Variants in GOLIM4 observed in about 807,000 individuals in gnomAD.
GOLIM4 encodes the protein 130 kDa golgi-localized phosphoprotein.
Under a neutral mutation model 107.4 loss-of-function variants are expected in GOLIM4, and 71 were observed. The ratio of observed to expected loss-of-function variants is 0.66; its 90% CI spans 0.55 to 0.81. The LOEUF is 0.81. GOLIM4 is among the 30% of genes least tolerant of loss of function. The pLI is 0.00. For synonymous variants in GOLIM4, 327 were observed against 294.8 expected, an observed-to-expected ratio of 1.11 and a Z score of -1.12; for missense variants, 830 against 826.1, an observed-to-expected ratio of 1.00 and a Z score of -0.06.
rs372302207 is a variant in GOLIM4, at chr3:168,027,780, T to A, written c.1571A>T (p.His524Leu). Residue 524 changes from histidine to leucine, a missense_variant, in exon 12 of 16, where the codon CAT (histidine) becomes CTT (leucine). Coordinates refer to ENST00000470487, the MANE Select transcript of GOLIM4 (RefSeq NM_014498.5). ...TCGGGGTCCTTGTTCACGAGGCTCATGTCTATTACCTGGATCTCCTTCTGC... is the reference window on the plus strand; with the variant it reads ...TCGGGGTCCTTGTTCACGAGGCTCAAGTCTATTACCTGGATCTCCTTCTGC... ...DEAEGDPGNR[H>L]EPREQGPREA... The A allele has an allele frequency of 2.2e-5, 36 of 1,613,784 alleles. No homozygotes were observed. In the African/African-American group the frequency reaches 4.8e-4, roughly 22 times the overall value.
Position 168,032,872 on chromosome 3 carries a change from G to A in GOLIM4, c.844-20C>T. ...AGACACCTAGGCCAAGCACATCACTGGGAATGACACTCTTCCAATTTCAAA... is the reference window on the plus strand; with the variant it reads ...AGACACCTAGGCCAAGCACATCACTAGGAATGACACTCTTCCAATTTCAAA... On this transcript the variant is annotated intron_variant, in intron 8 of 15. Coordinates refer to ENST00000470487, the MANE Select transcript of GOLIM4 (RefSeq NM_014498.5). 1.3e-6 allele frequency: 2 copies of A among 1,552,106 alleles called. No individual in the cohort carries two copies. The highest frequency in any genetic ancestry group is 1.1e-5 in the South Asian group (1 of 87,818).
chr3:168,052,756 T>G (rs1031564123), intron 1 of GOLIM4, among the ~76,000 whole-genome samples: 5 of 152,304 alleles, frequency 3.3e-5, no homozygotes, highest in African/African-American at 1.2e-4. Flanking sequence ...AATCAATCCT[T>G]GTCACCTATC....
intron 1 of GOLIM4, among the ~76,000 whole-genome samples, chr3:168,090,870 A>C (rs575238605): frequency 1.2e-4 from 18 of 152,352 alleles, no homozygotes; most frequent in Admixed American, 1.1e-3. Context: ...CTTTTGCAGC[A>C]ACATGGATGG....
At chr3:168,034,060 A>G (rs996884207) in intron 8 of GOLIM4, among the ~76,000 whole-genome samples, 5 of 152,220 alleles carry the variant, frequency 3.3e-5, no homozygotes, top group African/African-American at 1.2e-4. Flanking sequence ...TAGCAGAGAT[A>G]TAATTATCAA....
At chr3:168,064,062 TG>T in intron 1 of GOLIM4, among the ~76,000 whole-genome samples, 1 of 152,286 alleles carries the variant, frequency 6.6e-6, no homozygotes, top group South Asian at 2.1e-4. Context: ...TCACCCAAGA[TG>T]GTAAAGGTGA....
intron 5 of GOLIM4, among the ~76,000 whole-genome samples, chr3:168,042,968 C>T (rs1318889146): frequency 6.6e-6 from 1 of 152,156 alleles, no homozygotes; most frequent in African/African-American, 2.4e-5. Context: ...TGGCGATCAA[C>T]AGCAAGTCTC....
intron 14 of GOLIM4, among the ~76,000 whole-genome samples, chr3:168,023,655 G>C (rs1260065202): frequency 6.6e-6 from 1 of 152,176 alleles, no homozygotes; most frequent in Non-Finnish European, 1.5e-5. Flanking sequence ...CAAGACACCT[G>C]GCTGAGAAGC....
At chr3:168,039,207 G>C (rs189053392) in intron 7 of GOLIM4, among the ~76,000 whole-genome samples, 16 of 150,022 alleles carry the variant, frequency 1.1e-4, no homozygotes, top group Non-Finnish European at 1.9e-4. Flanking sequence ...GAGCATCCTC[G>C]CCAAAAAAGA....
intron 1 of GOLIM4, among the ~76,000 whole-genome samples, chr3:168,058,119 AT>A: frequency 6.6e-6 from 1 of 152,264 alleles, no homozygotes; most frequent in East Asian, 1.9e-4. Context: ...CAGATTAACT[AT>A]TTTTTTACTG....
intron 1 of GOLIM4, among the ~76,000 whole-genome samples, chr3:168,081,366 G>A (rs1236913296): frequency 6.6e-6 from 1 of 152,182 alleles, no homozygotes; most frequent in African/African-American, 2.4e-5. Flanking sequence ...AGTAGCATGA[G>A]CAGCCATCAG....
intron 1 of GOLIM4, among the ~76,000 whole-genome samples, chr3:168,069,577 T>C (rs1291656517): frequency 1.3e-5 from 2 of 152,186 alleles, no homozygotes; most frequent in East Asian, 1.9e-4. Flanking sequence ...CCAGAAGCCA[T>C]ATGGGTAGAG....
intron 14 of GOLIM4, among the ~76,000 whole-genome samples, chr3:168,023,461 T>A (rs1717824884): frequency 6.6e-6 from 1 of 152,330 alleles, no homozygotes; most frequent in South Asian, 2.1e-4. Flanking sequence ...AATTTTATCA[T>A]CAGCTCTGAA....
chr3:168,036,401 C>T (rs370523134), intron 8 of GOLIM4, among the ~76,000 whole-genome samples: 3 of 152,092 alleles, frequency 2.0e-5, no homozygotes, highest in African/African-American at 7.2e-5. Context: ...ATTAGCCAGG[C>T]GTGGTGGCGG....
intron 1 of GOLIM4, among the ~76,000 whole-genome samples, chr3:168,062,191 A>C (rs549001150): frequency 1.3e-5 from 2 of 152,126 alleles, no homozygotes; most frequent in Admixed American, 1.3e-4. Context: ...TGTCAACTCA[A>C]GTTAGGTTTT....
At position 168,047,607 on chromosome 3, in the gene GOLIM4, T is replaced by C. The variant is rs1719385797; in HGVS notation, c.263-608A>G. On this transcript the variant is annotated intron_variant, in intron 2 of 15. Transcript: ENST00000470487. ...GCTATCCTCTTCCTTCCTACCAAGG[T>C]AGGCAGACAGAACACGTAATTTAAA... is the stretch of plus-strand genomic sequence containing the variant. Among the ~76,000 whole-genome samples, 2 of 152,092 alleles carry C rather than the reference T, an allele frequency of 1.3e-5. 1 individual carries two copies. Among genetic ancestry groups the C allele is most frequent in the Non-Finnish European group, 2.9e-5 (2 of 68,006 alleles).
chr3:168,040,500 A>T (rs1178137117), intron 7 of GOLIM4, among the ~76,000 whole-genome samples: 1 of 152,228 alleles, frequency 6.6e-6, no homozygotes, highest in African/African-American at 2.4e-5. Flanking sequence ...AAGACTATAT[A>T]TGTGAGATCA....
rs141663725 is a variant in GOLIM4, at chr3:168,074,590, A to C, written c.187+20509T>G. On this transcript the variant is annotated intron_variant, in intron 1 of 15. Transcript: ENST00000470487. The stretch of plus-strand genomic sequence containing the variant: ...AAGAGTTAAAATTTCCTTCAAAGAG[A>C]GATGGGAAGTAACATTACTTAATTT... Among the ~76,000 whole-genome samples the C allele has an allele frequency of 4.2e-3, 636 of 152,282 alleles. 5 individuals carry two copies. Among genetic ancestry groups the C allele is most frequent in the Non-Finnish European group, 6.8e-3 (465 of 68,024 alleles).
In GOLIM4 at chr3:168,034,707, T is replaced by C. The variant is rs112369535; in HGVS notation, c.844-1855A>G. 1.7e-3 allele frequency among the ~76,000 whole-genome samples: 261 copies of C among 152,322 alleles called. 1 individual carries two copies. Among genetic ancestry groups the C allele is most frequent in the African/African-American group, 5.9e-3 (245 of 41,578 alleles). On this transcript the variant is annotated intron_variant, in intron 8 of 15. Coordinates refer to ENST00000470487, the MANE Select transcript of GOLIM4 (RefSeq NM_014498.5). The stretch of plus-strand genomic sequence containing the variant: ...AAATCTCATCTTGAATTCCCACGTG[T>C]TGTGGGAAGAACCCGGTTAGAGGTA...
rs572508648 is a variant in GOLIM4 at position 168,092,777 on chromosome 3, T to C, written c.187+2322A>G. ...AAAAGTTGCATACCACCAGAAAATG[T>C]ACATTAAATGGCTTACACATGGGAA... On this transcript the variant is annotated intron_variant, in intron 1 of 15. Transcript: ENST00000470487. Among the ~76,000 whole-genome samples the C allele has an allele frequency of 2.0e-5, 3 of 152,274 alleles. No homozygotes were observed. The South Asian group carries it at 6.2e-4, about 32-fold the overall frequency.
Sources: allele counts gnomAD v4.1 joint callset (sites outside exome capture counted in the v4.1 genomes callset), GRCh38; gene constraint gnomAD v4.1.1; transcripts MANE v1.5; gene names NCBI Gene and HGNC (gene_info 2026-07-23, HGNC 2026-07-21).